Variants in C16orf74 observed in about 807,000 individuals in gnomAD.
The protein encoded by C16orf74 is uncharacterized protein C16orf74.
Under a neutral mutation model 6.5 loss-of-function variants are expected in C16orf74, and 10 were observed. That is an observed-to-expected ratio of 1.54 (90% confidence interval 0.95 to 2.61). The LOEUF is 2.61. Ranked by LOEUF, C16orf74 falls within the 30% of genes most tolerant of loss-of-function variation. The pLI, the probability that C16orf74 is intolerant of heterozygous loss-of-function variation, is 0.00. For synonymous variants in C16orf74, 60 were observed against 42.5 expected (o/e 1.41, Z -1.60); for missense variants, 141 against 105.9 (o/e 1.33, Z -1.45).
intron 2 of C16orf74, among the ~76,000 whole-genome samples, chr16:85,731,576 A>G (rs2054187968): frequency 6.6e-6 from 1 of 152,150 alleles, no homozygotes; most frequent in Non-Finnish European, 1.5e-5. Context: ...TTGAGGCCCC[A>G]GGGAGTGAGA....
At chr16:85,717,832 C>T (rs187280987) in intron 2 of C16orf74, among the ~76,000 whole-genome samples, 1 of 152,214 alleles carries the variant, frequency 6.6e-6, no homozygotes, top group African/African-American at 2.4e-5. Context: ...TGGCTCCAGG[C>T]CCCACTGCCC....
intron 2 of C16orf74, among the ~76,000 whole-genome samples, chr16:85,717,250 C>G (rs1440544533): frequency 3.3e-5 from 5 of 152,194 alleles, no homozygotes; most frequent in African/African-American, 1.2e-4. Context: ...TCTGGGCCCT[C>G]CTAGCTCCAG....
chr16:85,719,812 AAGGCCCTGAGGCAGGAACATAG>A (rs1380210996), intron 2 of C16orf74, among the ~76,000 whole-genome samples: 33 of 150,430 alleles, frequency 2.2e-4, no homozygotes, highest in African/African-American at 6.9e-4. Flanking sequence ...AGCACACACA[AAGGCCCTGAGGCAGGAACATAG>A]GGGCCACAGG....
intron 2 of C16orf74, among the ~76,000 whole-genome samples, chr16:85,714,495 C>T (rs893372896): frequency 1.3e-5 from 2 of 151,962 alleles, no homozygotes; most frequent in Admixed American, 6.6e-5. Flanking sequence ...TCTCGACTCA[C>T]TGCAACCTCT....
intron 2 of C16orf74, among the ~76,000 whole-genome samples, chr16:85,714,733 C>A (rs764886600): frequency 2.0e-5 from 3 of 151,390 alleles, no homozygotes; most frequent in Non-Finnish European, 4.4e-5. Flanking sequence ...AGACTCTTGG[C>A]CCCCGACTGC....
At chr16:85,722,836 T>G (rs2054096166) in intron 2 of C16orf74, among the ~76,000 whole-genome samples, 1 of 152,200 alleles carries the variant, frequency 6.6e-6, no homozygotes, top group Non-Finnish European at 1.5e-5. Context: ...TGAACGCCTA[T>G]GTGCACCAGG....
At chr16:85,718,786 C>T (rs1302606610) in intron 2 of C16orf74, among the ~76,000 whole-genome samples, 1 of 152,252 alleles carries the variant, frequency 6.6e-6, no homozygotes, top group Non-Finnish European at 1.5e-5. Flanking sequence ...AGCTTAGATC[C>T]ACATCACGTG....
intron 2 of C16orf74, among the ~76,000 whole-genome samples, chr16:85,727,503 G>C (rs1307625869): frequency 1.3e-5 from 2 of 152,160 alleles, no homozygotes; most frequent in African/African-American, 4.8e-5. Flanking sequence ...GAATCACGTG[G>C]ACATTCATTA....
intron 2 of C16orf74, among the ~76,000 whole-genome samples, chr16:85,731,281 T>A (rs1269410313): frequency 6.6e-6 from 1 of 152,250 alleles, no homozygotes; most frequent in African/African-American, 2.4e-5. Flanking sequence ...GTGAGGCCCA[T>A]TGTTCAATAT....
At chr16:85,708,722 C>G (rs1468259809) in intron 3 of C16orf74, among the ~76,000 whole-genome samples, 1 of 152,260 alleles carries the variant, frequency 6.6e-6, no homozygotes, top group African/African-American at 2.4e-5. Flanking sequence ...AGCACCTGCA[C>G]TGGCCCAACC....
intron 2 of C16orf74, among the ~76,000 whole-genome samples, chr16:85,725,894 C>G (rs527705854): frequency 6.6e-6 from 1 of 152,158 alleles, no homozygotes; most frequent in Non-Finnish European, 1.5e-5. Flanking sequence ...CGCACCTGGC[C>G]TGTATTACTC....
rs2054145691 is a variant in C16orf74, at chr16:85,727,481, T to C, written c.28+7709A>G. On this transcript the variant is annotated intron_variant, in intron 2 of 3. Coordinates refer to ENST00000284245, the MANE Select transcript of C16orf74 (RefSeq NM_206967.3). ...GGGATCCTGCGACAGAAAAAATACA[T>C]GGGGGAAATCGGAATCACGTGGACA... 7.9e-5 allele frequency among the ~76,000 whole-genome samples: 12 copies of C among 152,122 alleles called. No individual in the cohort carries two copies. In the South Asian group the frequency reaches 2.5e-3, roughly 32 times the overall value.
chr16:85,718,364 C>G (rs1053633370), intron 2 of C16orf74, among the ~76,000 whole-genome samples: 4 of 152,232 alleles, frequency 2.6e-5, no homozygotes, highest in African/African-American at 7.2e-5. Flanking sequence ...CCCCATACGG[C>G]CTGATTCTTT....
chr16:85,748,942 T>TTA (rs1281621075), intron 1 of C16orf74, among the ~76,000 whole-genome samples: 1 of 130,288 alleles, frequency 7.7e-6, no homozygotes, highest in African/African-American at 2.5e-5. Context: ...TTTTTTTTTT[T>TTA]TTTTTATTTT....
At chr16:85,709,945 T>A (rs573000383) in intron 3 of C16orf74, among the ~76,000 whole-genome samples, 2 of 152,358 alleles carry the variant, frequency 1.3e-5, no homozygotes, top group African/African-American at 4.8e-5. Context: ...TGGCAGGGGC[T>A]GTCTACTAAT....
chr16:85,717,942 G>C (rs949194225), intron 2 of C16orf74, among the ~76,000 whole-genome samples: 7 of 152,202 alleles, frequency 4.6e-5, no homozygotes, highest in African/African-American at 9.7e-5. Flanking sequence ...AGGATGCCCA[G>C]GTCCCTGGGG....
chr16:85,736,468 C>T (rs989114400), intron 1 of C16orf74, among the ~76,000 whole-genome samples: 1 of 152,034 alleles, frequency 6.6e-6, no homozygotes, highest in African/African-American at 2.4e-5. Context: ...GTGAAGATGG[C>T]AGGCCAGGAA....
intron 2 of C16orf74, among the ~76,000 whole-genome samples, chr16:85,722,579 C>A (rs1369854959): frequency 6.6e-6 from 1 of 152,246 alleles, no homozygotes; most frequent in Non-Finnish European, 1.5e-5. Flanking sequence ...TCCTGGCTCC[C>A]GCTGAGTGGG....
intron 2 of C16orf74, among the ~76,000 whole-genome samples, chr16:85,728,102 C>T (rs766938829): frequency 3.3e-5 from 5 of 152,200 alleles, no homozygotes; most frequent in Admixed American, 1.3e-4. Flanking sequence ...GGTACCACTG[C>T]ACTCCAGCCT....
Sources: gnomAD v4.1 joint callset for allele counts (sites outside exome capture counted in the v4.1 genomes callset) on GRCh38, gnomAD v4.1.1 for gene constraint, MANE v1.5 for transcripts, NCBI Gene and HGNC (gene_info 2026-07-23, HGNC 2026-07-21) for gene names.